The following CCDC7 variants were observed in gnomAD, a reference collection of about 807,000 sequenced individuals.
The protein encoded by CCDC7 is coiled-coil domain containing 7, also known as coiled-coil domain-containing protein 7.
A neutral mutation model predicts 196.9 loss-of-function variants in CCDC7; 183 were observed. The observed-to-expected ratio is 0.93, with a 90% CI of 0.82 to 1.05. The LOEUF is 1.05. Ranked by LOEUF, CCDC7 falls within the 50% of genes least tolerant of loss-of-function variation. The pLI is 0.00. For missense variants in CCDC7, 1,540 were observed against 1,482.2 expected, an observed-to-expected ratio of 1.04 and a Z score of -0.64; for synonymous variants, 525 against 484.6, an observed-to-expected ratio of 1.08 and a Z score of -1.10.
intron 18 of CCDC7, among the ~76,000 whole-genome samples, chr10:32,620,305 T>C (rs1322185620): frequency 6.6e-6 from 1 of 152,216 alleles, no homozygotes; most frequent in Non-Finnish European, 1.5e-5. Context: ...ACATTTGTGA[T>C]TTCATCTCAA....
chr10:32,782,345 A>G (rs1431054776), intron 29 of CCDC7, among the ~76,000 whole-genome samples: 2 of 151,984 alleles, frequency 1.3e-5, no homozygotes, highest in Non-Finnish European at 2.9e-5. Context: ...CTCCTGACTC[A>G]GTCTCCCTAG....
intron 28 of CCDC7, among the ~76,000 whole-genome samples, chr10:32,757,944 A>C (rs1258374202): frequency 1.3e-5 from 2 of 152,248 alleles, no homozygotes; most frequent in East Asian, 1.9e-4. Flanking sequence ...CAGAAATACA[A>C]AGTACCATCA....
intron 8 of CCDC7, among the ~76,000 whole-genome samples, chr10:32,487,305 T>C (rs923881031): frequency 1.8e-4 from 28 of 152,336 alleles, no homozygotes; most frequent in African/African-American, 6.7e-4. Context: ...GCATTCGTCA[T>C]GTAGTTCTCG....
intron 9 of CCDC7, among the ~76,000 whole-genome samples, chr10:32,506,978 T>C (rs2045283033): frequency 6.6e-6 from 1 of 152,130 alleles, no homozygotes; most frequent in Admixed American, 6.5e-5. Context: ...CTTCTTTTGG[T>C]TTTGATTTGC....
chr10:32,861,720 A>G (rs12763283), intron 41 of CCDC7, among the ~76,000 whole-genome samples: 2 of 22,602 alleles, frequency 8.8e-5, no homozygotes, highest in African/African-American at 9.9e-5. Context: ...AAACAAATTT[A>G]CAAGAAAAAA....
intron 28 of CCDC7, among the ~76,000 whole-genome samples, chr10:32,772,628 GT>G (rs2079349560): frequency 3.9e-5 from 6 of 152,218 alleles, no homozygotes; most frequent in Admixed American, 3.3e-4. Flanking sequence ...CTTTTTGACT[GT>G]CGTCTGCAGG....
At chr10:32,586,684 T>C (rs57915267) in intron 18 of CCDC7, among the ~76,000 whole-genome samples, 2,667 of 152,292 alleles carry the variant, frequency 0.018, 85 homozygotes, top group African/African-American at 0.061. Flanking sequence ...CAGATGGTTG[T>C]AGATGTGTAG....
chr10:32,450,844 C>T (rs7089677), upstream of CCDC7, among the ~76,000 whole-genome samples: 111 of 152,214 alleles, frequency 7.3e-4, no homozygotes, highest in African/African-American at 2.3e-3. Flanking sequence ...TGTATTCTCT[C>T]GTTGCTTCTG....
At chr10:32,824,406 A>T (rs976087849) in intron 31 of CCDC7, 112 bp from the exon 33 acceptor site, 1 of 584,774 alleles carries the variant, frequency 1.7e-6, no homozygotes, top group African/African-American at 1.9e-5. Flanking sequence ...ACACTTTATT[A>T]TAATTCTACT....
At chr10:32,462,978 C>T (rs2133703022) in intron 4 of CCDC7, 39 bp from the exon 6 acceptor site, 1 of 1,611,956 alleles carries the variant, frequency 6.2e-7, no homozygotes, top group Non-Finnish European at 8.5e-7. Context: ...TTTAAGTAGT[C>T]ACTATTTCTT....
intron 11 of CCDC7, among the ~76,000 whole-genome samples, chr10:32,539,462 T>G (rs575515500): frequency 3.9e-5 from 6 of 152,060 alleles, no homozygotes; most frequent in Non-Finnish European, 7.4e-5. Context: ...TTATTTTTTT[T>G]TATAAAACCA....
chr10:32,760,748 T>C (rs1056880593), intron 28 of CCDC7, among the ~76,000 whole-genome samples: 6 of 146,056 alleles, frequency 4.1e-5, no homozygotes, highest in Non-Finnish European at 9.0e-5. Flanking sequence ...AGTATAATAA[T>C]AATAAAATTA....
rs115064594 is a variant in CCDC7, at chr10:32,454,988, C to T, written c.373-1263C>T. 8.6e-3 allele frequency among the ~76,000 whole-genome samples: 1,304 copies of T among 152,222 alleles called. 28 individuals carry two copies. The highest frequency in any genetic ancestry group is 0.029 in the African/African-American group (1,203 of 41,550). ...GCATGGTCCACTATTATCATCACTC[C>T]CTTTCACACGTACTTAACTCTCTTG... On this transcript the variant is annotated intron_variant, in intron 2 of 41. Coordinates refer to ENST00000639629, the Ensembl canonical transcript of CCDC7.
intron 33 of CCDC7, among the ~76,000 whole-genome samples, chr10:32,838,253 C>A (rs1363665130): frequency 2.0e-5 from 3 of 151,968 alleles, no homozygotes; most frequent in African/African-American, 7.2e-5. Context: ...GTTCTGAACA[C>A]TAAAACTTCA....
chr10:32,463,497 C>G (rs1441928510), intron 5 of CCDC7, among the ~76,000 whole-genome samples: 1 of 152,118 alleles, frequency 6.6e-6, no homozygotes, highest in Non-Finnish European at 1.5e-5. Context: ...TTGATTCAGG[C>G]ACTTTGCCAT....
intron 20 of CCDC7, among the ~76,000 whole-genome samples, chr10:32,661,715 A>G (rs939928522): frequency 1.3e-5 from 2 of 152,178 alleles, no homozygotes; most frequent in Non-Finnish European, 2.9e-5. Context: ...AATTCTGCCC[A>G]GTGCCCTATC....
chr10:32,564,125 G>A, intron 13 of CCDC7, among the ~76,000 whole-genome samples: 1 of 152,266 alleles, frequency 6.6e-6, no homozygotes, highest in South Asian at 2.1e-4. Flanking sequence ...CAGTTAGAAT[G>A]GCAATCATTA....
Position 32,834,899 on chromosome 10 carries a change from G to T in CCDC7, c.3352+1G>T, listed in dbSNP as rs1396092142. 7.7e-7 allele frequency: 1 copy of T among 1,301,154 alleles called. No homozygotes were observed. Among genetic ancestry groups the T allele is most frequent in the Non-Finnish European group, 1.1e-6 (1 of 922,488 alleles). The allele number at this position is 1,301,154 out of a possible 1,614,324, so 80.6% of individuals were successfully genotyped here. A position where few individuals can be genotyped will look rare whatever the true frequency, so the allele number is the denominator to read the frequency against. ...AACATACAGTCAAAGAGTCATGGAG[G>T]TAAGAACAAGAATTTTTCAAGTCTC... On this transcript the variant is annotated splice_donor_variant, in intron 33 of 41. Transcript: ENST00000639629. LOFTEE classifies it high-confidence loss of function.
At chr10:32,734,029 A>G (rs1270312522) in intron 28 of CCDC7, among the ~76,000 whole-genome samples, 3 of 152,200 alleles carry the variant, frequency 2.0e-5, no homozygotes, top group Non-Finnish European at 4.4e-5. Flanking sequence ...GTGATTCTTC[A>G]GAGAGCTAAA....
Sources: allele counts gnomAD v4.1 joint callset (sites outside exome capture counted in the v4.1 genomes callset), GRCh38; gene constraint gnomAD v4.1.1; transcripts MANE v1.5; gene names NCBI Gene and HGNC (gene_info 2026-07-23, HGNC 2026-07-21).